The following RIPOR1 variants were observed in gnomAD, a reference collection of about 807,000 sequenced individuals.
RIPOR1 encodes rho family-interacting cell polarization regulator 1.
A neutral mutation model predicts 116.5 loss-of-function variants in RIPOR1; 58 were observed. The observed-to-expected ratio is 0.50, with a 90% CI of 0.40 to 0.62. The LOEUF is 0.62. RIPOR1 is among the 20% of genes least tolerant of loss of function. RIPOR1 has a pLI of 0.00. For synonymous variants in RIPOR1, 605 were observed against 650.0 expected (o/e 0.93, Z 1.05); for missense variants, 1,372 against 1,586.2 (o/e 0.86, Z 2.29).
rs2050598455 is a variant in RIPOR1 at position 67,529,559 on chromosome 16, G to C, written c.-24+645G>C. 1.9e-6 allele frequency: 1 copy of C among 540,280 alleles called. No homozygotes were observed. Among genetic ancestry groups the C allele is most frequent in the African/African-American group, 1.9e-5 (1 of 51,966 alleles). The allele number at this position is 540,280 out of a possible 1,614,324, so 33.5% of individuals were successfully genotyped here. The stretch of plus-strand genomic sequence containing the variant: ...CCGGGCCTGGGCTCTCTGCAGAACT[G>C]GTTTGGGCAAGGGGCTGCTCACCAG... On this transcript the variant is annotated intron_variant, in intron 1 of 21. Transcript: ENST00000042381. The surrounding 1 kb of genome is among the most constrained non-coding windows in gnomAD (Gnocchi z 4.1).
At position 67,541,761 on chromosome 16, in the gene RIPOR1, A is replaced by T. The variant is rs767776949; in HGVS notation, c.1059A>T (p.Ser353=). 1.6e-5 allele frequency: 26 copies of T among 1,613,814 alleles called. No individual in the cohort carries two copies. The highest frequency in any genetic ancestry group is 2.2e-5 in the Non-Finnish European group (26 of 1,179,950). Residue 353 remains serine, a synonymous_variant, in exon 12 of 22, where the codon TCA becomes TCT. Transcript: ENST00000042381. This position sits in a 1 kb window ranked among gnomAD's most constrained non-coding sequence, Gnocchi z 4.6. The part of the protein sequence containing the change: ...TYSQSPPDTP[S]LREQAFYNML... ...GCCAGAGCCCACCGGACACACCCTC[A>T]CTTCGGGAACAGGCTTTCTATGTGA...
chr16:67,544,827 G>C lies in RIPOR1; in HGVS notation c.2866G>C (p.Glu956Gln). The C allele has an allele frequency of 6.3e-7, 1 of 1,593,386 alleles. No homozygotes were observed. Among genetic ancestry groups the C allele is most frequent in the Non-Finnish European group, 8.6e-7 (1 of 1,165,874 alleles). ...RWEIPASSAQ[E>Q]VVQFSASRPG... is the part of the protein sequence containing the mutation. ...GGAGATCCCGGCCAGCTCTGCCCAG[G>C]AAGGTAAAGGCCCTGGGGGTTCGGG... Residue 956 changes from glutamate to glutamine, a missense_variant, in exon 16 of 22, where the codon GAA becomes CAA. Coordinates refer to ENST00000042381, the MANE Select transcript of RIPOR1 (RefSeq NM_024519.4). This position sits in a 1 kb window ranked among gnomAD's most constrained non-coding sequence, Gnocchi z 5.1.
At position 67,538,499 on chromosome 16, in the gene RIPOR1, A is replaced by C. The variant is rs764258817; in HGVS notation, c.53A>C (p.Asn18Thr). The change falls in exon 2 of 22, where the codon AAT (asparagine) becomes ACT (threonine). Residue 18 changes from asparagine (N) to threonine (T), a missense_variant. Physicochemically the swap from Asn to Thr is moderately conservative, Grantham distance 65. Around this residue, in one of 3 missense-constraint regions of RIPOR1, gnomAD observed 165 missense variants for 145.5 expected, o/e 1.13. Coordinates refer to ENST00000042381, the MANE Select transcript of RIPOR1 (RefSeq NM_024519.4). The stretch of plus-strand genomic sequence containing the variant: ...CGCCGTCTGCTCAGCGCCCGGGTCA[A>C]TAGGAGCCAGTCCTTCGCAGGCGTC... ...PQRRLLSARV[N>T]RSQSFAGVLG... 2 of 1,611,918 alleles carry C rather than the reference A, an allele frequency of 1.2e-6. No homozygotes were observed. The highest frequency in any genetic ancestry group is 4.5e-5 in the East Asian group (2 of 44,850).
chr16:67,538,253 G>A (rs2050858323), intron 1 of RIPOR1, 171 bp from the exon 2 acceptor site: 1 of 755,192 alleles, frequency 1.3e-6, no homozygotes, highest in South Asian at 2.6e-5. Context: ...GTCGCCTGCG[G>A]CTGTCCTGTC....
In RIPOR1 at chr16:67,543,168, G is replaced by A. The variant is rs944737207; in HGVS notation, c.2382G>A (p.Leu794=). ...GGGACAGGAGCCTGGAGGAGGCACT[G>A]GGGGCCCTAATGGCTGCCCTGGATG... ...GSGDRSLEEA[L]GALMAALDDY... is the part of the protein sequence containing the mutation. The change falls in exon 13 of 22, where the codon CTG becomes CTA. Residue 794 remains leucine, a synonymous_variant. Coordinates refer to ENST00000042381, the MANE Select transcript of RIPOR1 (RefSeq NM_024519.4). The surrounding 1 kb of genome is among the most constrained non-coding windows in gnomAD (Gnocchi z 4.7). The A allele has an allele frequency of 1.8e-5, 27 of 1,538,910 alleles. No homozygotes were observed. In the East Asian group the frequency reaches 5.9e-4, roughly 33 times the overall value.
chr16:67,544,569 T>C lies in RIPOR1; in HGVS notation c.2734-126T>C. 1 of 1,539,646 alleles carries C rather than the reference T, an allele frequency of 6.5e-7. No individual in the cohort carries two copies. Among genetic ancestry groups the C allele is most frequent in the Non-Finnish European group, 8.8e-7 (1 of 1,134,658 alleles). ...AGGGCCCTTGGCATCTGGCCCTTGC[T>C]GAATGGAGTATCTCCCAACTCTGCA... On this transcript the variant is annotated intron_variant, in intron 15 of 21. Transcript: ENST00000042381. This position sits in a 1 kb window ranked among gnomAD's most constrained non-coding sequence, Gnocchi z 5.1.
chr16:67,540,302 C>G lies in RIPOR1; in HGVS notation c.570C>G (p.Ser190Arg). ...CTGTCCCTGCCCCTCCCTCCCAGAG[C>G]ATGTGTCTGCTGGAGAGCGAGCTGG... ...ATRGHREYTESMCLLESELEA... is the reference protein window; with the variant it reads ...ATRGHREYTERMCLLESELEA... The change falls in exon 8 of 22, where the codon AGC becomes AGG. Residue 190 changes from serine (S) to arginine (R), a missense_variant and splice_region_variant. By Grantham distance (110) the Ser-to-Arg change is moderately radical. Around this residue, in one of 3 missense-constraint regions of RIPOR1, gnomAD observed 202 missense variants for 295.9 expected, o/e 0.68. Transcript: ENST00000042381. The surrounding 1 kb of genome is among the most constrained non-coding windows in gnomAD (Gnocchi z 4.7). 1 of 1,614,112 alleles carries G rather than the reference C, an allele frequency of 6.2e-7. No individual in the cohort carries two copies. Among genetic ancestry groups the G allele is most frequent in the Non-Finnish European group, 8.5e-7 (1 of 1,180,020 alleles).
Position 67,541,672 on chromosome 16 carries a change from C to A in RIPOR1, c.970C>A (p.Gln324Lys), listed in dbSNP as rs1310162165. ...TCCCAGCCCCTTCGACAAGGATGAC[C>A]AGCCCTCAGCTGCTTCTTCTGTCAA... Reference protein sequence around the residue: ...VTWSPFDKDDQPSAASSVNKA... With the variant: ...VTWSPFDKDDKPSAASSVNKA... The change falls in exon 12 of 22, where the codon CAG becomes AAG. Residue 324 changes from glutamine to lysine, a missense_variant. Gln to Lys is a moderately conservative substitution (Grantham distance 53). Around this residue, in one of 3 missense-constraint regions of RIPOR1, gnomAD observed 202 missense variants for 295.9 expected, o/e 0.68. Coordinates refer to ENST00000042381, the MANE Select transcript of RIPOR1 (RefSeq NM_024519.4). This position sits in a 1 kb window ranked among gnomAD's most constrained non-coding sequence, Gnocchi z 4.6. The A allele has an allele frequency of 6.2e-7, 1 of 1,613,986 alleles. No individual in the cohort carries two copies. Among genetic ancestry groups the A allele is most frequent in the Non-Finnish European group, 8.5e-7 (1 of 1,179,998 alleles).
In RIPOR1 at chr16:67,538,564, C is replaced by A. The variant is rs767797161; in HGVS notation, c.104+14C>A. ...GCGGGGGCCCAGGTACGCGGCCGCG[C>A]AGGGTTGGTGGGGTCAAAGGGCGTC... On this transcript the variant is annotated intron_variant, in intron 2 of 21. Coordinates refer to ENST00000042381, the MANE Select transcript of RIPOR1 (RefSeq NM_024519.4). 8 of 1,611,718 alleles carry A rather than the reference C, an allele frequency of 5.0e-6. No individual in the cohort carries two copies. Among genetic ancestry groups the A allele is most frequent in the Non-Finnish European group, 1.7e-6 (2 of 1,178,994 alleles).
At chr16:67,523,238 G>A (rs529761080) in intron 1 of RIPOR1, among the ~76,000 whole-genome samples, 11 of 152,154 alleles carry the variant, frequency 7.2e-5, no homozygotes, top group South Asian at 2.1e-4. Flanking sequence ...CTCCCACTGC[G>A]GGACTATGTC....
upstream of RIPOR1, among the ~76,000 whole-genome samples, chr16:67,526,028 T>C (rs777303195): frequency 6.6e-6 from 1 of 152,056 alleles, no homozygotes; most frequent in Non-Finnish European, 1.5e-5. Context: ...ATGCTGCCCT[T>C]CCCTCGAGGC....
In RIPOR1 at chr16:67,542,873, C is replaced by G. The variant is rs774200169; in HGVS notation, c.2087C>G (p.Pro696Arg). 1 of 1,613,502 alleles carries G rather than the reference C, an allele frequency of 6.2e-7. No homozygotes were observed. Among genetic ancestry groups the G allele is most frequent in the South Asian group, 1.1e-5 (1 of 91,030 alleles). The change falls in exon 13 of 22, where the codon CCC becomes CGC. Residue 696 changes from proline (P) to arginine (R), a missense_variant. By Grantham distance (103) the Pro-to-Arg change is moderately radical. Coordinates refer to ENST00000042381, the MANE Select transcript of RIPOR1 (RefSeq NM_024519.4). The surrounding 1 kb of genome is among the most constrained non-coding windows in gnomAD (Gnocchi z 4.6). ...TLSSPSKHSD[P>R]TLPGTDSLPC... ...TCCAGCCCCTCCAAACACTCAGACC[C>G]CACCCTCCCAGGCACTGACTCCCTT...
rs112549777 is a variant in RIPOR1, at chr16:67,532,466, TA to T, written c.-24+3565del. The stretch of plus-strand genomic sequence containing the variant: ...TGGGTGACAGCGTGAGACCTCGTCT[TA>T]AAAAAAAAAAAATTAGGTATAGTGA... On this transcript the variant is annotated intron_variant, in intron 1 of 21. Coordinates refer to ENST00000042381, the MANE Select transcript of RIPOR1 (RefSeq NM_024519.4). 4.1e-3 allele frequency among the ~76,000 whole-genome samples: 587 copies of T among 144,502 alleles called. 3 individuals are homozygous for T. Among genetic ancestry groups the T allele is most frequent in the Middle Eastern group, 0.018 (5 of 284 alleles). The allele number at this position is 144,502 out of a possible 152,430, so 94.8% of individuals were successfully genotyped here.
rs1466955561 is a variant in RIPOR1 at position 67,542,040 on chromosome 16, G to A, written c.1254G>A (p.Arg418=). ...TTCCCATCCAAGTTGCCTTCCGCAGGCCTGAGACCCCCAGCTCTGGGCCCT... is the reference window on the plus strand; with the variant it reads ...TTCCCATCCAAGTTGCCTTCCGCAGACCTGAGACCCCCAGCTCTGGGCCCT... ...EPLPIQVAFR[R]PETPSSGPLD... is the part of the protein sequence containing the mutation. The change falls in exon 13 of 22, where the codon AGG becomes AGA. Residue 418 remains arginine, a synonymous_variant. Coordinates refer to ENST00000042381, the MANE Select transcript of RIPOR1 (RefSeq NM_024519.4). The surrounding 1 kb of genome is among the most constrained non-coding windows in gnomAD (Gnocchi z 4.6). 2.5e-6 allele frequency: 4 copies of A among 1,607,250 alleles called. No individual in the cohort carries two copies. The South Asian group carries it at 4.4e-5, about 18-fold the overall frequency.
At chr16:67,538,236 A>G in intron 1 of RIPOR1, 188 bp from the exon 2 acceptor site, 1 of 617,116 alleles carries the variant, frequency 1.6e-6, no homozygotes, top group Non-Finnish European at 2.5e-6. Flanking sequence ...GCTGAGTCCG[A>G]GGCCGAGTCG....
chr16:67,539,949 G>C, intron 6 of RIPOR1, 50 bp downstream of exon 6: 1 of 1,613,874 alleles, frequency 6.2e-7, no homozygotes, highest in East Asian at 2.2e-5. Context: ...GGATATCATA[G>C]GGAGAAGAGG....
At chr16:67,526,070 T>G (rs2050537253), upstream of RIPOR1, among the ~76,000 whole-genome samples, 1 of 152,094 alleles carries the variant, frequency 6.6e-6, no homozygotes, top group Non-Finnish European at 1.5e-5. Flanking sequence ...CCAGGTGAAC[T>G]CCCAGGTGTT....
intron 1 of RIPOR1, among the ~76,000 whole-genome samples, chr16:67,522,417 G>A (rs1360690653): frequency 6.6e-6 from 1 of 151,350 alleles, no homozygotes; most frequent in Non-Finnish European, 1.5e-5. Context: ...GGCCAGGCTG[G>A]TCTCGAACTC....
At chr16:67,528,086 G>C (rs759840746), upstream of RIPOR1, among the ~76,000 whole-genome samples, 1 of 152,070 alleles carries the variant, frequency 6.6e-6, no homozygotes, top group Non-Finnish European at 1.5e-5. Flanking sequence ...ATTGATGGGA[G>C]GAGCGGGGGA....
Sources: gnomAD v4.1 joint callset for allele counts (sites outside exome capture counted in the v4.1 genomes callset) on GRCh38, gnomAD v4.1.1 for gene constraint, gnomAD v4.1.1 regional missense constraint, Gnocchi (gnomAD v3.1) non-coding constraint, MANE v1.5 for transcripts, NCBI Gene and HGNC (gene_info 2026-07-23, HGNC 2026-07-21) for gene names.